The following PCLO variants were observed in gnomAD, a reference collection of about 807,000 sequenced individuals.
PCLO encodes piccolo presynaptic cytomatrix protein, also known as protein piccolo.
PCLO carries 82 observed loss-of-function variants against 427.5 expected under a neutral mutation model. The observed-to-expected ratio is 0.19, with a 90% confidence interval of 0.16 to 0.23. The LOEUF (loss-of-function observed/expected upper bound fraction) is 0.23. Ranked by LOEUF, PCLO falls within the 10% of genes least tolerant of loss-of-function variation. The probability of loss-of-function intolerance (pLI) is 1.00; values close to 1 mark genes in which losing one functional copy is unlikely to be tolerated. For missense variants in PCLO, 6,239 were observed against 6,115.9 expected (o/e 1.02, Z -0.67); for synonymous variants, 2,357 against 2,155.4 (o/e 1.09, Z -2.59).
chr7:83,148,896 A>G (rs1260292625), intron 2 of PCLO, among the ~76,000 whole-genome samples: 2 of 152,220 alleles, frequency 1.3e-5, no homozygotes, highest in East Asian at 1.9e-4. Context: ...GAATGAGAGA[A>G]AACAGGATGG....
At chr7:83,093,955 A>C (rs769319348) in intron 3 of PCLO, among the ~76,000 whole-genome samples, 26 of 151,824 alleles carry the variant, frequency 1.7e-4, no homozygotes, top group Non-Finnish European at 3.4e-4. Flanking sequence ...AATATCTTGC[A>C]AAACCACAGT....
At chr7:82,998,411 AC>A (rs1429632217) in intron 3 of PCLO, among the ~76,000 whole-genome samples, 4 of 145,708 alleles carry the variant, frequency 2.7e-5, no homozygotes, top group Admixed American at 1.4e-4. Flanking sequence ...AACAACAACA[AC>A]AACAACAACA....
chr7:83,105,613 T>C (rs1342734201), intron 3 of PCLO, among the ~76,000 whole-genome samples: 1 of 152,190 alleles, frequency 6.6e-6, no homozygotes, highest in Non-Finnish European at 1.5e-5. Context: ...ACACTATGTG[T>C]ATTCTGAATT....
At chr7:83,088,431 C>A (rs1790293246) in intron 3 of PCLO, among the ~76,000 whole-genome samples, 1 of 152,104 alleles carries the variant, frequency 6.6e-6, no homozygotes, top group Non-Finnish European at 1.5e-5. Context: ...CCCTGAGGGC[C>A]CAGTAAGGAA....
intron 3 of PCLO, among the ~76,000 whole-genome samples, chr7:83,093,630 C>T (rs755105760): frequency 2.0e-5 from 3 of 148,292 alleles, no homozygotes; most frequent in Non-Finnish European, 4.5e-5. Flanking sequence ...GTAGCTGGGA[C>T]TACAGGCGCC....
At chr7:83,112,399 C>G (rs1791027979) in intron 3 of PCLO, among the ~76,000 whole-genome samples, 1 of 152,110 alleles carries the variant, frequency 6.6e-6, no homozygotes, top group Admixed American at 6.6e-5. Context: ...TTATAACAAT[C>G]TAGCTACTGG....
intron 3 of PCLO, among the ~76,000 whole-genome samples, chr7:83,134,039 G>A (rs1282244351): frequency 1.3e-5 from 2 of 151,162 alleles, no homozygotes; most frequent in East Asian, 3.9e-4. Flanking sequence ...CTTACTTGTG[G>A]AACATTAACC....
At chr7:82,793,973 C>A (rs74782667) in intron 22 of PCLO, among the ~76,000 whole-genome samples, 1 of 152,088 alleles carries the variant, frequency 6.6e-6, no homozygotes. Context: ...TTTACCCTTA[C>A]ACTTGATGGA....
chr7:83,133,832 G>C (rs1395073579), intron 3 of PCLO, among the ~76,000 whole-genome samples: 1 of 151,976 alleles, frequency 6.6e-6, no homozygotes, highest in Non-Finnish European at 1.5e-5. Flanking sequence ...ACAGAGACTG[G>C]AAGGATTAGA....
chr7:83,073,306 TAA>T (rs1789865541), intron 3 of PCLO, among the ~76,000 whole-genome samples: 1 of 152,040 alleles, frequency 6.6e-6, no homozygotes, highest in Admixed American at 6.5e-5. Flanking sequence ...CATCATAATA[TAA>T]TGTGGAGCAA....
chr7:82,906,251 C>A (rs898265237), intron 8 of PCLO, among the ~76,000 whole-genome samples: 1 of 151,894 alleles, frequency 6.6e-6, no homozygotes, highest in African/African-American at 2.4e-5. Flanking sequence ...TTAGTGTTTG[C>A]ATTAGTATTA....
At chr7:82,883,815 A>G (rs576782681) in intron 9 of PCLO, among the ~76,000 whole-genome samples, 1 of 152,018 alleles carries the variant, frequency 6.6e-6, no homozygotes, top group Non-Finnish European at 1.5e-5. Context: ...CTGTTCCCCA[A>G]GCTGGAGTGC....
rs192061020 is a variant in PCLO at position 83,121,968 on chromosome 7, G to C, written c.3300+12282C>G. Among the ~76,000 whole-genome samples, 801 of 152,088 alleles carry C rather than the reference G, an allele frequency of 5.3e-3. 16 individuals are homozygous for C. Among genetic ancestry groups the C allele is most frequent in the Admixed American group, 0.049 (745 of 15,272 alleles). ...TAAAAAAATCATCCATCATGACCAAGTGAGATTTATCCCAAGAATGCAAGG... is the reference window on the plus strand; with the variant it reads ...TAAAAAAATCATCCATCATGACCAACTGAGATTTATCCCAAGAATGCAAGG... On this transcript the variant is annotated intron_variant, in intron 3 of 24. Transcript: ENST00000333891.
Position 82,926,380 on chromosome 7 carries a change from T to C in PCLO, c.11113-9507A>G, listed in dbSNP as rs1299597400. On this transcript the variant is annotated intron_variant, in intron 6 of 24. Transcript: ENST00000333891. Reference sequence around the variant, plus strand: ...ACCATTTGTGAAAATAATTGAAAAATTTTTTAAAGGTAGTTTTTCTCTAAT... The same window carrying C: ...ACCATTTGTGAAAATAATTGAAAAACTTTTTAAAGGTAGTTTTTCTCTAAT... Among the ~76,000 whole-genome samples the C allele has an allele frequency of 7.2e-5, 11 of 152,240 alleles. 1 individual carries two copies. The highest frequency in any genetic ancestry group is 7.2e-4 in the Admixed American group (11 of 15,276).
At chr7:83,002,311 T>C (rs1164627844) in intron 3 of PCLO, among the ~76,000 whole-genome samples, 5 of 152,018 alleles carry the variant, frequency 3.3e-5, no homozygotes, top group Non-Finnish European at 4.4e-5. Flanking sequence ...CTATAACTAT[T>C]TATGTCTTTA....
intron 9 of PCLO, among the ~76,000 whole-genome samples, chr7:82,900,211 A>G (rs557166105): frequency 6.6e-6 from 1 of 151,764 alleles, no homozygotes; most frequent in South Asian, 2.1e-4. Context: ...TTCATTCTCT[A>G]TGAAAATAAA....
chr7:82,983,626 T>G (rs1340258499), intron 3 of PCLO, among the ~76,000 whole-genome samples: 1 of 149,346 alleles, frequency 6.7e-6, no homozygotes, highest in Non-Finnish European at 1.5e-5. Flanking sequence ...TTTATATTTA[T>G]ATATGTATAT....
chr7:82,965,020 T>C lies in PCLO; in HGVS notation c.4017+751A>G, dbSNP rs1016841558. 2.6e-5 allele frequency among the ~76,000 whole-genome samples: 4 copies of C among 152,130 alleles called. No individual in the cohort carries two copies. In the South Asian group the frequency reaches 8.3e-4, roughly 31 times the overall value. Reference sequence around the variant, plus strand: ...CAATTAAGTATAATGTAAGATCTCTTACAGCTCCAAAAAATATCAGAGTTC... The same window carrying C: ...CAATTAAGTATAATGTAAGATCTCTCACAGCTCCAAAAAATATCAGAGTTC... On this transcript the variant is annotated intron_variant, in intron 4 of 24. Transcript: ENST00000333891.
rs774355952 is a variant in PCLO at position 82,914,928 on chromosome 7, A to G, written c.13058T>C (p.Ile4353Thr). ...PISQSRGRIP[I>T]VAQNSEEESP... The stretch of plus-strand genomic sequence containing the variant: ...TTCTTCTTCAGAATTCTGGGCCACA[A>G]TTGGTATTCTTCCTCTACTTTGACT... Residue 4353 changes from isoleucine to threonine, a missense_variant, in exon 7 of 25, where the codon ATT (isoleucine) becomes ACT (threonine). This residue lies in a region of PCLO where 680 missense variants were observed against 677.3 expected (regional missense o/e 1.00). Transcript: ENST00000333891. 8.1e-6 allele frequency: 13 copies of G among 1,613,584 alleles called. No individual in the cohort carries two copies. Among genetic ancestry groups the G allele is most frequent in the African/African-American group, 1.3e-5 (1 of 74,906 alleles).
Sources: gnomAD v4.1 joint callset for allele counts (sites outside exome capture counted in the v4.1 genomes callset) on GRCh38, gnomAD v4.1.1 for gene constraint, gnomAD v4.1.1 regional missense constraint, MANE v1.5 for transcripts, NCBI Gene and HGNC (gene_info 2026-07-23, HGNC 2026-07-21) for gene names.